Variants in TMEM67 observed in about 807,000 individuals in gnomAD.
TMEM67 encodes meckelin.
Under a neutral mutation model 136.6 loss-of-function variants are expected in TMEM67, and 124 were observed. The ratio of observed to expected loss-of-function variants is 0.91; its 90% CI spans 0.78 to 1.05. The LOEUF is 1.05. Among genes scored for constraint, TMEM67 ranks in the 50% least tolerant of loss-of-function variants. TMEM67 has a pLI of 0.00. For missense variants in TMEM67, 1,107 were observed against 1,178.4 expected (o/e 0.94, Z 0.89); for synonymous variants, 364 against 390.5 (o/e 0.93, Z 0.80).
At chr8:93,829,738 C>T in the TMEM67 span, among the ~76,000 whole-genome samples, 1 of 152,118 alleles carries the variant, frequency 6.6e-6, no homozygotes, top group Admixed American at 6.5e-5. Context: ...CTCCCCTTCT[C>T]TCCGTGGTAT....
rs1376731462 is a variant in TMEM67, at chr8:93,816,312, G to A, written c.2908-60G>A. The stretch of plus-strand genomic sequence containing the variant: ...CTAATTTAATCTAGATATTTTAATC[G>A]ACGTGCATATTTAATTCTGTTTATA... On this transcript the variant is annotated intron_variant, in intron 27 of 27. Coordinates refer to ENST00000453321, the MANE Select transcript of TMEM67 (RefSeq NM_153704.6). 4 of 779,164 alleles carry A rather than the reference G, an allele frequency of 5.1e-6. 1 individual carries two copies. Among genetic ancestry groups the A allele is most frequent in the East Asian group, 5.1e-5 (2 of 39,546 alleles). 48.3% of individuals were successfully genotyped at this position (779,164 alleles called of 1,614,324 possible).
intron 3 of TMEM67, chr8:93,759,447 G>T (rs566658307): frequency 2.7e-5 from 4 of 147,150 alleles, no homozygotes; most frequent in African/African-American, 1.0e-4. Context: ...TGAGCGACAG[G>T]GTAAGACCCT....
intron 14 of TMEM67, 135 bp from the exon 15 acceptor site, chr8:93,791,128 T>C: frequency 3.2e-6 from 2 of 626,620 alleles, no homozygotes; most frequent in East Asian, 2.8e-5. Context: ...AAGTTAAAGG[T>C]CAACTCTAGT....
Position 93,816,555 on chromosome 8 carries a change from A to C in TMEM67, c.*103A>C. ...TTTTTTAAAACTTATAATGCAGACTATTCTGTTTTTGTTTTTTATTTGCAG... is the reference window on the plus strand; with the variant it reads ...TTTTTTAAAACTTATAATGCAGACTCTTCTGTTTTTGTTTTTTATTTGCAG... On this transcript the variant is annotated 3_prime_UTR_variant, in exon 28 of 28. Transcript: ENST00000453321. 1 of 611,842 alleles carries C rather than the reference A, an allele frequency of 1.6e-6. No individual in the cohort carries two copies. The highest frequency in any genetic ancestry group is 2.8e-5 in the Admixed American group (1 of 35,394). 37.9% of individuals were successfully genotyped at this position (611,842 alleles called of 1,614,324 possible). A position where few individuals can be genotyped will look rare whatever the true frequency, so the allele number is the denominator to read the frequency against.
At chr8:93,795,757 C>T in intron 17 of TMEM67, 144 bp from the exon 18 acceptor site, 1 of 684,584 alleles carries the variant, frequency 1.5e-6, no homozygotes, top group Non-Finnish European at 2.5e-6. Context: ...TGGGAGGATC[C>T]TGTGAGTCCA....
chr8:93,767,725 AT>A (rs61268455), intron 6 of TMEM67, among the ~76,000 whole-genome samples: 2,502 of 139,660 alleles, frequency 0.018, 42 homozygotes, highest in South Asian at 0.034. Context: ...CTTCTGCGTG[AT>A]TTTTTTTTTT....
the TMEM67 span, among the ~76,000 whole-genome samples, chr8:93,826,202 T>C: frequency 1.5e-5 from 2 of 133,412 alleles, no homozygotes; most frequent in African/African-American, 5.5e-5. Context: ...CTATCTCGGC[T>C]CATTGCAAGC....
At chr8:93,762,919 A>G (rs1325257087) in intron 3 of TMEM67, 1 of 438,040 alleles carries the variant, frequency 2.3e-6, no homozygotes, top group Non-Finnish European at 4.6e-6. Context: ...GATTTACCTG[A>G]TTCTTTTTGT....
rs948288540 is a variant in TMEM67 at position 93,797,118 on chromosome 8, T to C, written c.1861-16T>C. On this transcript the variant is annotated splice_polypyrimidine_tract_variant and intron_variant, in intron 18 of 27. Coordinates refer to ENST00000453321, the MANE Select transcript of TMEM67 (RefSeq NM_153704.6). ...GCTGGTACTTTTTCAGGTGTTTTATTATATGTCATTCTCAGGCACTACAAT... is the reference window on the plus strand; with the variant it reads ...GCTGGTACTTTTTCAGGTGTTTTATCATATGTCATTCTCAGGCACTACAAT... The C allele has an allele frequency of 2.7e-6, 4 of 1,493,436 alleles. No individual in the cohort carries two copies. Among genetic ancestry groups the C allele is most frequent in the Non-Finnish European group, 3.7e-6 (4 of 1,071,984 alleles). The allele number at this position is 1,493,436 out of a possible 1,614,324, so 92.5% of individuals were successfully genotyped here. A position where few individuals can be genotyped will look rare whatever the true frequency, so the allele number is the denominator to read the frequency against.
chr8:93,770,723 T>C (rs1813291789), intron 6 of TMEM67, among the ~76,000 whole-genome samples: 1 of 152,074 alleles, frequency 6.6e-6, no homozygotes, highest in Non-Finnish European at 1.5e-5. Context: ...GATAGTAAAT[T>C]TGATTGCTAG....
chr8:93,803,985 A>T (rs111332283), intron 22 of TMEM67, among the ~76,000 whole-genome samples: 149 of 150,240 alleles, frequency 9.9e-4, no homozygotes, highest in African/African-American at 3.1e-3. Context: ...AGCAATTCTC[A>T]TACCTCAACC....
rs776167123 is a variant in TMEM67, at chr8:93,793,281, CAT to C, written c.1660_1661del (p.Met554AspfsTer2). ...AGWKRRIGSP[M>X]IDLQTVVKFL... ...GATGGAAGAGGCGCATTGGGAGTCC[CAT>C]GATTGATTTACAGGTATAATCTCAG... On this transcript the variant is annotated frameshift_variant, in exon 16 of 28. Transcript: ENST00000453321. LOFTEE classifies it high-confidence loss of function. The C allele has an allele frequency of 1.2e-6, 2 of 1,613,550 alleles. No individual in the cohort carries two copies. The highest frequency in any genetic ancestry group is 1.7e-6 in the Non-Finnish European group (2 of 1,179,496).
At chr8:93,791,354 T>C in intron 15 of TMEM67, 35 bp downstream of exon 15, 3 of 1,405,858 alleles carry the variant, frequency 2.1e-6, no homozygotes, top group Non-Finnish European at 1.0e-6. Context: ...ATATATACAG[T>C]GTATTTTATA....
At chr8:93,811,316 G>A (rs1808688330) in intron 26 of TMEM67, 1 of 140,930 alleles carries the variant, frequency 7.1e-6, no homozygotes, top group South Asian at 2.4e-4. Flanking sequence ...ATCAAGGTAA[G>A]AGAAAGAGGC....
At chr8:93,799,865 C>G in intron 21 of TMEM67, 107 bp downstream of exon 21, 1 of 944,666 alleles carries the variant, frequency 1.1e-6, no homozygotes, top group Non-Finnish European at 1.7e-6. Flanking sequence ...CTTTCTGTAG[C>G]AGAAAGAAGG....
At chr8:93,830,907 C>T in the TMEM67 span, among the ~76,000 whole-genome samples, 2 of 152,202 alleles carry the variant, frequency 1.3e-5, no homozygotes, top group Non-Finnish European at 2.9e-5. Context: ...GTTCTGCCTT[C>T]GCAGAATCAT....
At position 93,816,227 on chromosome 8, in the gene TMEM67, A is replaced by G. The variant is rs538216277; in HGVS notation, c.2908-145A>G. 3.1e-5 allele frequency: 14 copies of G among 452,448 alleles called. No homozygotes were observed. The East Asian group carries it at 3.6e-4, about 12-fold the overall frequency. 28.0% of individuals were successfully genotyped at this position (452,448 alleles called of 1,614,324 possible). A position where few individuals can be genotyped will look rare whatever the true frequency, so the allele number is the denominator to read the frequency against. On this transcript the variant is annotated intron_variant, in intron 27 of 27. Coordinates refer to ENST00000453321, the MANE Select transcript of TMEM67 (RefSeq NM_153704.6). ...TGAAAGAAATTATCATCTTGAAATA[A>G]TTTTATGTATCACTATGGGATTCAG...
chr8:93,787,089 T>C (rs1814143764), intron 13 of TMEM67, among the ~76,000 whole-genome samples: 1 of 152,170 alleles, frequency 6.6e-6, no homozygotes. Context: ...CTAGTAAAAA[T>C]GAAAATGCAC....
intron 7 of TMEM67, 119 bp from the exon 8 acceptor site, chr8:93,780,474 C>T (rs1049979409): frequency 4.9e-5 from 50 of 1,026,362 alleles, no homozygotes; most frequent in Non-Finnish European, 7.0e-5. Context: ...AGCTGCAGAC[C>T]GGAGCTGTTC....
Sources: gnomAD v4.1 joint callset for allele counts (sites outside exome capture counted in the v4.1 genomes callset) on GRCh38, gnomAD v4.1.1 for gene constraint, MANE v1.5 for transcripts, NCBI Gene and HGNC (gene_info 2026-07-23, HGNC 2026-07-21) for gene names.